The following HOXC4 variants were observed in gnomAD, a reference collection of about 807,000 sequenced individuals.
The protein encoded by HOXC4 is homeobox C4.
Under a neutral mutation model 25.5 loss-of-function variants are expected in HOXC4, and 15 were observed. That is an observed-to-expected ratio of 0.59 (90% CI 0.39 to 0.91). The LOEUF is 0.91. HOXC4 is among the 40% of genes least tolerant of loss of function. The pLI, the probability that HOXC4 is intolerant of heterozygous loss-of-function variation, is 0.00. For missense variants in HOXC4, 342 were observed against 352.4 expected (o/e 0.97, Z 0.24); for synonymous variants, 165 against 148.0 (o/e 1.11, Z -0.83).
At chr12:54,054,464 C>A in intron 1 of HOXC4, 103 bp downstream of exon 1, 1 of 749,742 alleles carries the variant, frequency 1.3e-6, no homozygotes, top group Non-Finnish European at 2.2e-6. Flanking sequence ...CTCTCCTTCC[C>A]CCTCTCTCTC....
chr12:54,028,284 C>A (rs1206160407), intron 1 of HOXC4: 3 of 319,374 alleles, frequency 9.4e-6, no homozygotes, highest in East Asian at 4.9e-5. Flanking sequence ...AAAAGAAATC[C>A]AAGTCTTACT....
chr12:54,044,346 T>C (rs184808658), intron 1 of HOXC4, among the ~76,000 whole-genome samples: 22 of 152,260 alleles, frequency 1.4e-4, no homozygotes, highest in Non-Finnish European at 2.5e-4. Context: ...GATTTTTTTT[T>C]CCCTCAAAGT....
chr12:54,029,869 T>A, intron 1 of HOXC4: 1 of 1,609,640 alleles, frequency 6.2e-7, no homozygotes, highest in Non-Finnish European at 8.5e-7. Flanking sequence ...TCACATCCAC[T>A]CTCTCGGGGG....
chr12:54,033,939 G>A (rs990311033), intron 1 of HOXC4: 1 of 422,488 alleles, frequency 2.4e-6, no homozygotes, highest in Admixed American at 3.3e-5. Flanking sequence ...GGCTCCGGAG[G>A]ATTCCAGCGA....
intron 1 of HOXC4, chr12:54,030,138 C>CAA: frequency 1.7e-6 from 1 of 604,976 alleles, no homozygotes; most frequent in South Asian, 2.5e-5. Flanking sequence ...TCCCTCACCG[C>CAA]ACAACTCTCT....
At chr12:54,046,991 C>T (rs777207246) in intron 1 of HOXC4, among the ~76,000 whole-genome samples, 3 of 152,238 alleles carry the variant, frequency 2.0e-5, no homozygotes, top group Non-Finnish European at 4.4e-5. Flanking sequence ...GTAGGGGCCG[C>T]AGTGGGGACC....
At chr12:54,043,918 C>G (rs941255312) in intron 1 of HOXC4, among the ~76,000 whole-genome samples, 2 of 127,272 alleles carry the variant, frequency 1.6e-5, no homozygotes, top group Admixed American at 7.9e-5. Context: ...AAAACACAGG[C>G]TGTGTGTGTG....
chr12:54,033,176 C>T, intron 1 of HOXC4: 8 of 1,614,242 alleles, frequency 5.0e-6, no homozygotes, highest in Non-Finnish European at 6.8e-6. Context: ...ATATCCCTGC[C>T]TATAACATGC....
chr12:54,020,007 C>G (rs555376134), intron 1 of HOXC4: 2 of 152,308 alleles, frequency 1.3e-5, no homozygotes, highest in Non-Finnish European at 2.9e-5. Flanking sequence ...CCAGTGGACT[C>G]CAACACCAAC....
rs549378437 is a variant in HOXC4, at chr12:54,055,277, T to C, written c.*72T>C. On this transcript the variant is annotated 3_prime_UTR_variant, in exon 2 of 2. Coordinates refer to ENST00000430889, the MANE Select transcript of HOXC4 (RefSeq NM_153633.3). Reference sequence around the variant, plus strand: ...TCACACACAAATTGACTCTTATTTATAGAATTTAATATATATATATATATA... The same window carrying C: ...TCACACACAAATTGACTCTTATTTACAGAATTTAATATATATATATATATA... 2.3e-6 allele frequency: 1 copy of C among 426,312 alleles called. No individual in the cohort carries two copies. The highest frequency in any genetic ancestry group is 4.4e-5 in the South Asian group (1 of 22,828). 26.4% of individuals were successfully genotyped at this position (426,312 alleles called of 1,614,324 possible). A position where few individuals can be genotyped will look rare whatever the true frequency, so the allele number is the denominator to read the frequency against.
At chr12:54,033,218 G>C in intron 1 of HOXC4, 1 of 1,614,164 alleles carries the variant, frequency 6.2e-7, no homozygotes, top group Non-Finnish European at 8.5e-7. Context: ...CGGCCTCAGA[G>C]GTGCAGGCAT....
chr12:54,018,240 C>T (rs1940252774), intron 1 of HOXC4, among the ~76,000 whole-genome samples: 1 of 152,228 alleles, frequency 6.6e-6, no homozygotes, highest in Non-Finnish European at 1.5e-5. Flanking sequence ...CTTCCGGGGT[C>T]CGGCGCCCCT....
chr12:54,029,060 C>A, intron 1 of HOXC4: 1 of 818,986 alleles, frequency 1.2e-6, no homozygotes, highest in Non-Finnish European at 1.9e-6. Flanking sequence ...AGACAGGGCC[C>A]CCTCTTCTGC....
At chr12:54,043,785 T>C (rs1304124219) in intron 1 of HOXC4, among the ~76,000 whole-genome samples, 1 of 152,150 alleles carries the variant, frequency 6.6e-6, no homozygotes, top group African/African-American at 2.4e-5. Flanking sequence ...TCTTATCTGA[T>C]CTAATCCCCC....
chr12:54,033,077 C>A, intron 1 of HOXC4: 2 of 1,504,556 alleles, frequency 1.3e-6, no homozygotes, highest in Non-Finnish European at 1.8e-6. Context: ...TCACAAATCA[C>A]CCTTAATCAA....
intron 1 of HOXC4, among the ~76,000 whole-genome samples, chr12:54,038,746 G>A (rs1039839193): frequency 6.6e-6 from 1 of 152,142 alleles, no homozygotes; most frequent in Admixed American, 6.5e-5. Context: ...TAGGCTCTAA[G>A]AGCCCTAGAG....
At chr12:54,046,550 T>TATAC (rs1446347066) in intron 1 of HOXC4, among the ~76,000 whole-genome samples, 1 of 152,080 alleles carries the variant, frequency 6.6e-6, no homozygotes, top group East Asian at 1.9e-4. Flanking sequence ...TATATATATA[T>TATAC]ATACACAGTT....
At chr12:54,030,068 G>C (rs1341386607) in intron 1 of HOXC4, 1 of 1,191,480 alleles carries the variant, frequency 8.4e-7, no homozygotes, top group Non-Finnish European at 1.2e-6. Context: ...GATGTGTTTT[G>C]ATTCCCTAAA....
At chr12:54,033,002 A>G in intron 1 of HOXC4, 2 of 750,214 alleles carry the variant, frequency 2.7e-6, no homozygotes, top group Non-Finnish European at 4.3e-6. Context: ...TAGGATAAAG[A>G]AAGAGATATC....
Sources: gnomAD v4.1 joint callset for allele counts (sites outside exome capture counted in the v4.1 genomes callset) on GRCh38, gnomAD v4.1.1 for gene constraint, MANE v1.5 for transcripts, NCBI Gene and HGNC (gene_info 2026-07-23, HGNC 2026-07-21) for gene names.